Variants in CLSTN2 observed in about 807,000 individuals in gnomAD.
CLSTN2 encodes the protein calsyntenin-2.
Under a neutral mutation model 101.2 loss-of-function variants are expected in CLSTN2, and 48 were observed. The observed-to-expected ratio is 0.47, with a 90% CI of 0.38 to 0.60. The LOEUF is 0.60. Among genes scored for constraint, CLSTN2 ranks in the 20% least tolerant of loss-of-function variants. The pLI, the probability that CLSTN2 is intolerant of heterozygous loss-of-function variation, is 0.00. For missense variants in CLSTN2, 1,160 were observed against 1,238.2 expected (o/e 0.94, Z 0.95); for synonymous variants, 481 against 463.6 (o/e 1.04, Z -0.48).
intron 8 of CLSTN2, among the ~76,000 whole-genome samples, chr3:140,503,350 T>A (rs1934618246): frequency 6.6e-6 from 1 of 152,230 alleles, no homozygotes; most frequent in South Asian, 2.1e-4. Flanking sequence ...ATTTTTTATA[T>A]TTACTTGTGT....
chr3:140,099,401 CCTTCT>C (rs2008928065), intron 1 of CLSTN2, among the ~76,000 whole-genome samples: 1 of 152,094 alleles, frequency 6.6e-6, no homozygotes, highest in South Asian at 2.1e-4. Context: ...CTTCACATGG[CCTTCT>C]CTTCTCCATG....
intron 1 of CLSTN2, among the ~76,000 whole-genome samples, chr3:140,164,394 T>C (rs531561674): frequency 1.3e-5 from 2 of 152,298 alleles, no homozygotes; most frequent in East Asian, 3.9e-4. Context: ...AAACCTTTGC[T>C]GGCAACCTAT....
chr3:140,139,257 C>T (rs750644495), intron 1 of CLSTN2, among the ~76,000 whole-genome samples: 8 of 152,192 alleles, frequency 5.3e-5, no homozygotes. Context: ...CTAAGCATCT[C>T]TTGGCATCTC....
intron 2 of CLSTN2, among the ~76,000 whole-genome samples, chr3:140,333,784 T>C (rs1375845111): frequency 6.6e-6 from 1 of 152,106 alleles, no homozygotes; most frequent in Non-Finnish European, 1.5e-5. Flanking sequence ...CCTTAACTTA[T>C]TGTCATAAAA....
At chr3:140,151,562 G>A (rs545949793) in intron 1 of CLSTN2, among the ~76,000 whole-genome samples, 2 of 152,208 alleles carry the variant, frequency 1.3e-5, no homozygotes, top group East Asian at 3.9e-4. Context: ...GCTTGATCTG[G>A]TCTGTGTTTT....
intron 8 of CLSTN2, among the ~76,000 whole-genome samples, chr3:140,488,461 G>A (rs1306261548): frequency 6.6e-6 from 1 of 151,866 alleles, no homozygotes; most frequent in Non-Finnish European, 1.5e-5. Flanking sequence ...ATTCAATGAT[G>A]GTAATGAATG....
intron 1 of CLSTN2, among the ~76,000 whole-genome samples, chr3:140,087,768 A>G (rs2008704384): frequency 6.6e-6 from 1 of 152,240 alleles, no homozygotes; most frequent in Admixed American, 6.5e-5. Flanking sequence ...GAGTAATATC[A>G]TTGAGAGCTT....
At chr3:140,253,214 C>G (rs1218448798) in intron 2 of CLSTN2, among the ~76,000 whole-genome samples, 1 of 152,090 alleles carries the variant, frequency 6.6e-6, no homozygotes, top group African/African-American at 2.4e-5. Flanking sequence ...AAGACTGAGT[C>G]AGCTAGTTGT....
intron 9 of CLSTN2, 29 bp from the exon 10 acceptor site, chr3:140,546,486 A>G: frequency 6.2e-7 from 1 of 1,608,660 alleles, no homozygotes; most frequent in Non-Finnish European, 8.5e-7. Context: ...CAGTCTTCAC[A>G]GGGCAAATGA....
intron 8 of CLSTN2, among the ~76,000 whole-genome samples, chr3:140,500,249 C>T (rs558463601): frequency 5.3e-5 from 8 of 152,202 alleles, no homozygotes; most frequent in Admixed American, 4.6e-4. Context: ...ATTTCTTCTA[C>T]TTGACTGTCA....
intron 2 of CLSTN2, among the ~76,000 whole-genome samples, chr3:140,385,349 CT>C (rs1216514094): frequency 7.0e-6 from 1 of 142,386 alleles, no homozygotes; most frequent in Non-Finnish European, 1.5e-5. Context: ...AGTTGGGTCC[CT>C]GATGTTCTTT....
chr3:140,285,932 C>T (rs762278917), intron 2 of CLSTN2, among the ~76,000 whole-genome samples: 3 of 152,168 alleles, frequency 2.0e-5, no homozygotes, highest in Non-Finnish European at 4.4e-5. Context: ...AATACCATGA[C>T]CTGGGGCTTA....
chr3:140,446,549 T>C (rs938397532), intron 5 of CLSTN2, among the ~76,000 whole-genome samples: 7 of 152,174 alleles, frequency 4.6e-5, no homozygotes, highest in African/African-American at 1.7e-4. Context: ...GGGAACAACA[T>C]TGATCAGTCC....
intron 2 of CLSTN2, among the ~76,000 whole-genome samples, chr3:140,280,504 C>T (rs975235657): frequency 3.9e-5 from 6 of 152,120 alleles, no homozygotes; most frequent in East Asian, 1.9e-4. Flanking sequence ...CTTCACACTT[C>T]GGACAGTGAG....
At chr3:140,171,646 AATACG>A (rs2010216606) in intron 1 of CLSTN2, among the ~76,000 whole-genome samples, 1 of 69,012 alleles carries the variant, frequency 1.4e-5, no homozygotes, top group South Asian at 5.2e-4. Context: ...TATTATATAT[AATACG>A]TATTATATAT....
intron 1 of CLSTN2, among the ~76,000 whole-genome samples, chr3:139,949,083 G>A (rs57257604): frequency 0.05 from 7,633 of 152,124 alleles, 595 homozygotes; most frequent in African/African-American, 0.17. Context: ...AGCCTGGAAG[G>A]CCTCCCCCAC....
At chr3:140,392,647 T>C (rs1055064336) in intron 2 of CLSTN2, among the ~76,000 whole-genome samples, 4 of 152,064 alleles carry the variant, frequency 2.6e-5, no homozygotes, top group African/African-American at 9.7e-5. Flanking sequence ...AGTGCAGACA[T>C]AGAATATTAA....
Position 140,419,616 on chromosome 3 carries a change from T to A in CLSTN2, c.638-1509T>A, listed in dbSNP as rs1295223298. Among the ~76,000 whole-genome samples the A allele has an allele frequency of 5.0e-5, 3 of 60,390 alleles. 1 individual carries two copies. The highest frequency in any genetic ancestry group is 7.9e-5 in the Non-Finnish European group (3 of 38,016). The allele number at this position is 60,390 out of a possible 152,430, so 39.6% of individuals were successfully genotyped here. On this transcript the variant is annotated intron_variant, in intron 4 of 16. Transcript: ENST00000458420. ...ATATATGTATATATACATATATACGTGTACGTATATATGTATATATACATA... is the reference window on the plus strand; with the variant it reads ...ATATATGTATATATACATATATACGAGTACGTATATATGTATATATACATA...
At chr3:140,433,239 G>C (rs1308332008) in intron 5 of CLSTN2, among the ~76,000 whole-genome samples, 1 of 152,230 alleles carries the variant, frequency 6.6e-6, no homozygotes, top group African/African-American at 2.4e-5. Flanking sequence ...GTGGATGGTG[G>C]AGGTGGGAGG....
Sources: gnomAD v4.1 joint callset for allele counts (sites outside exome capture counted in the v4.1 genomes callset) on GRCh38, gnomAD v4.1.1 for gene constraint, MANE v1.5 for transcripts, NCBI Gene and HGNC (gene_info 2026-07-23, HGNC 2026-07-21) for gene names.